The following ZBTB7A variants were observed in gnomAD, a reference collection of about 807,000 sequenced individuals.
The protein encoded by ZBTB7A is zinc finger and BTB domain-containing protein 7A.
Under a neutral mutation model 26.7 loss-of-function variants are expected in ZBTB7A, and 7 were observed. The ratio of observed to expected loss-of-function variants is 0.26; its 90% CI spans 0.15 to 0.49. The LOEUF (loss-of-function observed/expected upper bound fraction) is 0.49. ZBTB7A is among the 20% of genes least tolerant of loss of function. The probability of loss-of-function intolerance (pLI) is 0.98; values close to 1 mark genes in which losing one functional copy is unlikely to be tolerated. For synonymous variants in ZBTB7A, 452 were observed against 441.0 expected (o/e 1.02, Z -0.31); for missense variants, 617 against 919.5 (o/e 0.67, Z 4.25).
rs1305533736 is a variant in ZBTB7A at position 4,052,914 on chromosome 19, C to G, written c.1262+1057G>C. Among the ~76,000 whole-genome samples, 2 of 152,202 alleles carry G rather than the reference C, an allele frequency of 1.3e-5. No individual in the cohort carries two copies. On this transcript the variant is annotated intron_variant, in intron 2 of 2. Transcript: ENST00000322357. This position sits in a 1 kb window ranked among gnomAD's most constrained non-coding sequence, Gnocchi z 4.9. ...ACGCCCTTTCCCACAGCTGCTCCTC[C>G]CCTCCTTCAGGTTCCGGCAAGGCCT...
intron 1 of ZBTB7A, among the ~76,000 whole-genome samples, chr19:4,063,945 G>T (rs930650715): frequency 6.6e-6 from 1 of 152,194 alleles, no homozygotes; most frequent in South Asian, 2.1e-4. Flanking sequence ...TGGCAACGGG[G>T]ATCTGCCACC....
rs1344357824 is a variant in ZBTB7A at position 4,043,857 on chromosome 19, CA to C, written c.*3894del. ...CAGCCACCCACCACCCCCCCCCCCC[CA>C]CCTCCAGGAAGGCTGCTTCAACTTA... On this transcript the variant is annotated 3_prime_UTR_variant, in exon 3 of 3. Transcript: ENST00000322357. 3.0e-4 allele frequency among the ~76,000 whole-genome samples: 43 copies of C among 142,098 alleles called. No homozygotes were observed. Among genetic ancestry groups the C allele is most frequent in the Non-Finnish European group, 4.8e-4 (30 of 62,998 alleles). 93.2% of individuals were successfully genotyped at this position (142,098 alleles called of 152,430 possible).
Position 4,049,188 on chromosome 19 carries a change from A to G in ZBTB7A, c.1263-944T>C, listed in dbSNP as rs1568230605. The stretch of plus-strand genomic sequence containing the variant: ...TGTGTGTATATATATATATATATAT[A>G]TATATATATATATATATATATGTAA... On this transcript the variant is annotated intron_variant, in intron 2 of 2. Coordinates refer to ENST00000322357, the MANE Select transcript of ZBTB7A (RefSeq NM_015898.4). Among the ~76,000 whole-genome samples, 14 of 28,740 alleles carry G rather than the reference A, an allele frequency of 4.9e-4. 2 individuals are homozygous for G. In the South Asian group the frequency reaches 0.014, roughly 28 times the overall value. The allele number at this position is 28,740 out of a possible 152,430, so 18.9% of individuals were successfully genotyped here. A position where few individuals can be genotyped will look rare whatever the true frequency, so the allele number is the denominator to read the frequency against.
Position 4,043,781 on chromosome 19 carries a change from T to C in ZBTB7A, c.*3971A>G, listed in dbSNP as rs1171864381. Among the ~76,000 whole-genome samples, 1 of 124,600 alleles carries C rather than the reference T, an allele frequency of 8.0e-6. No homozygotes were observed. Among genetic ancestry groups the C allele is most frequent in the Admixed American group, 9.2e-5 (1 of 10,902 alleles). 81.7% of individuals were successfully genotyped at this position (124,600 alleles called of 152,430 possible). A position where few individuals can be genotyped will look rare whatever the true frequency, so the allele number is the denominator to read the frequency against. On this transcript the variant is annotated 3_prime_UTR_variant, in exon 3 of 3. Transcript: ENST00000322357. ...ATGCGAGCTAGTCTTAACTCTGAGG[T>C]TGTAGCTCCTGGGGCACCCCCAGCC...
intron 1 of ZBTB7A, among the ~76,000 whole-genome samples, chr19:4,066,372 C>T (rs1475266023): frequency 2.0e-5 from 3 of 149,702 alleles, no homozygotes; most frequent in Non-Finnish European, 4.5e-5. Flanking sequence ...AGCCCTGCTT[C>T]CCCTCCCCCG....
chr19:4,052,298 TC>T lies in ZBTB7A; in HGVS notation c.1262+1672del, dbSNP rs1169828882. Among the ~76,000 whole-genome samples, 2 of 152,170 alleles carry T rather than the reference TC, an allele frequency of 1.3e-5. No homozygotes were observed. The highest frequency in any genetic ancestry group is 4.8e-5 in the African/African-American group (2 of 41,514). On this transcript the variant is annotated intron_variant, in intron 2 of 2. Transcript: ENST00000322357. This position sits in a 1 kb window ranked among gnomAD's most constrained non-coding sequence, Gnocchi z 4.9. ...TCTCTGCACCCCACCAAGCTGCTCT[TC>T]CTGAGCTCAGAGACGAACCCACAGT...
At position 4,054,623 on chromosome 19, in the gene ZBTB7A, C is replaced by T. The variant is rs775371174; in HGVS notation, c.610G>A (p.Ala204Thr). Reference protein sequence around the residue: ...DLDATKEAVAAAVAAVAAGDC... With the variant: ...DLDATKEAVATAVAAVAAGDC... ...CCCGCGGCCACGGCGGCCACAGCGG[C>T]GGCCACGGCCTCCTTGGTGGCATCC... The change falls in exon 2 of 3, where the codon GCC (alanine) becomes ACC (threonine). Residue 204 changes from alanine to threonine, a missense_variant. By Grantham distance (58) the Ala-to-Thr change is moderately conservative. Coordinates refer to ENST00000322357, the MANE Select transcript of ZBTB7A (RefSeq NM_015898.4). 4 of 1,591,202 alleles carry T rather than the reference C, an allele frequency of 2.5e-6. No individual in the cohort carries two copies. The highest frequency in any genetic ancestry group is 1.7e-5 in the Admixed American group (1 of 57,206).
At chr19:4,060,355 A>G (rs2040626469) in intron 1 of ZBTB7A, among the ~76,000 whole-genome samples, 1 of 152,174 alleles carries the variant, frequency 6.6e-6, no homozygotes, top group African/African-American at 2.4e-5. Context: ...CCCACCTCCC[A>G]TCTAACCTAA....
At chr19:4,053,805 TGAC>T (rs2040534731) in intron 2 of ZBTB7A, among the ~76,000 whole-genome samples, 163 bp downstream of exon 2, 2 of 149,516 alleles carry the variant, frequency 1.3e-5, no homozygotes, top group Non-Finnish European at 3.0e-5. Flanking sequence ...GATGTGTAGG[TGAC>T]GTGCATGTGT....
Position 4,048,332 on chromosome 19 carries a change from T to C in ZBTB7A, c.1263-88A>G, listed in dbSNP as rs1599248129. The C allele has an allele frequency of 7.0e-7, 1 of 1,433,434 alleles. No individual in the cohort carries two copies. The highest frequency in any genetic ancestry group is 9.1e-7 in the Non-Finnish European group (1 of 1,099,760). The allele number at this position is 1,433,434 out of a possible 1,614,324, so 88.8% of individuals were successfully genotyped here. On this transcript the variant is annotated intron_variant, in intron 2 of 2. Coordinates refer to ENST00000322357, the MANE Select transcript of ZBTB7A (RefSeq NM_015898.4). This position sits in a 1 kb window ranked among gnomAD's most constrained non-coding sequence, Gnocchi z 6.7. ...GGACCCTCACGGACACGGCAGGCCC[T>C]GGATCATCACCCTTGCAGAACACGG...
chr19:4,060,367 G>A (rs1387542369), intron 1 of ZBTB7A, among the ~76,000 whole-genome samples: 1 of 152,232 alleles, frequency 6.6e-6, no homozygotes, highest in African/African-American at 2.4e-5. Context: ...CTAACCTAAG[G>A]GTCACTTGCT....
intron 2 of ZBTB7A, among the ~76,000 whole-genome samples, chr19:4,050,020 T>C (rs1406877391): frequency 6.6e-6 from 1 of 152,108 alleles, no homozygotes; most frequent in Non-Finnish European, 1.5e-5. Flanking sequence ...GTCTCCCGGG[T>C]TCAAGCAATT....
Position 4,054,831 on chromosome 19 carries a change from G to C in ZBTB7A, c.402C>G (p.Ala134=). Residue 134 remains alanine (A), a synonymous_variant, in exon 2 of 3, where the codon GCC becomes GCG. Transcript: ENST00000322357. ...GCTGCCCGGCGTCGGCGCCCGCGTC[G>C]GCCGCCAGGATCTGCCGGTCCAGGA... ...ADLLDRQILA[A]DAGADAGQLD... is the part of the protein sequence containing the mutation. 3 of 1,603,408 alleles carry C rather than the reference G, an allele frequency of 1.9e-6. No homozygotes were observed. The highest frequency in any genetic ancestry group is 2.6e-6 in the Non-Finnish European group (3 of 1,174,944).
chr19:4,045,449 G>T lies in ZBTB7A; in HGVS notation c.*2303C>A, dbSNP rs890792348. On this transcript the variant is annotated 3_prime_UTR_variant, in exon 3 of 3. Coordinates refer to ENST00000322357, the MANE Select transcript of ZBTB7A (RefSeq NM_015898.4). This position sits in a 1 kb window ranked among gnomAD's most constrained non-coding sequence, Gnocchi z 4.1. The stretch of plus-strand genomic sequence containing the variant: ...TCACCCAGCCCCAGGGGAGAGGGGG[G>T]ATCCTGAGACATTTGGAGGGGGCTG... 2 of 140,790 alleles carry T rather than the reference G, an allele frequency of 1.4e-5. No homozygotes were observed. Among genetic ancestry groups the T allele is most frequent in the Non-Finnish European group, 3.1e-5 (2 of 64,826 alleles). The allele number at this position is 140,790 out of a possible 1,614,324, so 8.7% of individuals were successfully genotyped here. A position where few individuals can be genotyped will look rare whatever the true frequency, so the allele number is the denominator to read the frequency against.
At chr19:4,053,246 C>T (rs1448410184) in intron 2 of ZBTB7A, among the ~76,000 whole-genome samples, 1 of 152,250 alleles carries the variant, frequency 6.6e-6, no homozygotes, top group African/African-American at 2.4e-5. Context: ...CTGGCCTGTG[C>T]TGTCACCCAC....
In ZBTB7A at chr19:4,046,206, T is replaced by A. The variant is rs2040414365; in HGVS notation, c.*1546A>T. The A allele has an allele frequency of 2.5e-6, 1 of 396,922 alleles. No homozygotes were observed. Among genetic ancestry groups the A allele is most frequent in the Non-Finnish European group, 4.4e-6 (1 of 225,396 alleles). 24.6% of individuals were successfully genotyped at this position (396,922 alleles called of 1,614,324 possible). On this transcript the variant is annotated 3_prime_UTR_variant, in exon 3 of 3. Transcript: ENST00000322357. ...GGAACACAGCACGAACACCCCACAG[T>A]CCTGCCTTCGAGGCTGACGTCTGGG...
At chr19:4,055,310 G>T in intron 1 of ZBTB7A, 63 bp from the exon 2 acceptor site, 1 of 1,428,152 alleles carries the variant, frequency 7.0e-7, no homozygotes, top group South Asian at 1.5e-5. Flanking sequence ...TGTGCCCACT[G>T]ACAAGGGCCC....
chr19:4,054,360 G>T lies in ZBTB7A; in HGVS notation c.873C>A (p.Gly291=). The change falls in exon 2 of 3, where the codon GGC becomes GGA. Residue 291 remains glycine, a synonymous_variant. Transcript: ENST00000322357. ...ASLSEAAPEP[G]DSPGFLSGAA... Reference sequence around the variant, plus strand: ...CTCCCGACAGGAAGCCCGGAGAGTCGCCCGGCTCGGGGGCCGCCTCCGACA... The same window carrying T: ...CTCCCGACAGGAAGCCCGGAGAGTCTCCCGGCTCGGGGGCCGCCTCCGACA... The T allele has an allele frequency of 6.8e-7, 1 of 1,470,630 alleles. No homozygotes were observed. The highest frequency in any genetic ancestry group is 8.9e-7 in the Non-Finnish European group (1 of 1,120,884). 91.1% of individuals were successfully genotyped at this position (1,470,630 alleles called of 1,614,324 possible). A position where few individuals can be genotyped will look rare whatever the true frequency, so the allele number is the denominator to read the frequency against.
At chr19:4,053,531 G>A (rs1351884855) in intron 2 of ZBTB7A, among the ~76,000 whole-genome samples, 1 of 137,730 alleles carries the variant, frequency 7.3e-6, no homozygotes, top group Non-Finnish European at 1.7e-5. Flanking sequence ...GTGCGTGCGT[G>A]CATGTGTATG....
Sources: gnomAD v4.1 joint callset for allele counts (sites outside exome capture counted in the v4.1 genomes callset) on GRCh38, gnomAD v4.1.1 for gene constraint, Gnocchi (gnomAD v3.1) non-coding constraint, MANE v1.5 for transcripts, NCBI Gene and HGNC (gene_info 2026-07-23, HGNC 2026-07-21) for gene names.